DRC8: variants seen among roughly 807,000 people sequenced by gnomAD.
DRC8 encodes the protein dynein regulatory complex protein 8.
At chr1:245,023,105 C>T in the DRC8 span, 8 of 152,182 alleles carry the variant, frequency 5.3e-5, no homozygotes, top group African/African-American at 1.7e-4. Flanking sequence ...ATTTGTGAAG[C>T]ATTCCATTTT....
At chr1:245,106,152 G>A in the DRC8 span, among the ~76,000 whole-genome samples, 12 of 152,316 alleles carry the variant, frequency 7.9e-5, no homozygotes, top group African/African-American at 2.6e-4. Context: ...CTTATGAGAC[G>A]TATAAGCCTC....
chr1:245,038,266 C>T, the DRC8 span, among the ~76,000 whole-genome samples: 14 of 152,142 alleles, frequency 9.2e-5, no homozygotes, highest in African/African-American at 2.4e-4. Flanking sequence ...GTCAGGAGAT[C>T]GAGACCACCC....
At chr1:245,087,200 AT>A in the DRC8 span, 2 of 1,591,018 alleles carry the variant, frequency 1.3e-6, no homozygotes, top group South Asian at 2.3e-5. Context: ...AGAGAAAAAA[AT>A]CAGATGATCC....
At chr1:245,069,755 A>C in the DRC8 span, among the ~76,000 whole-genome samples, 2 of 152,194 alleles carry the variant, frequency 1.3e-5, no homozygotes, top group African/African-American at 4.8e-5. Context: ...AAAATGGTGA[A>C]GATGGGCTGG....
the DRC8 span, among the ~76,000 whole-genome samples, chr1:245,081,253 C>T: frequency 1.3e-5 from 2 of 151,934 alleles, no homozygotes; most frequent in African/African-American, 4.8e-5. Context: ...GCTCTGCCTC[C>T]TGGGTTCACG....
At chr1:244,992,958 G>A in the DRC8 span, among the ~76,000 whole-genome samples, 2 of 152,168 alleles carry the variant, frequency 1.3e-5, no homozygotes, top group African/African-American at 2.4e-5. Context: ...TTGGCAGGAA[G>A]CCTTGGTTCC....
the DRC8 span, among the ~76,000 whole-genome samples, chr1:244,972,430 G>T: frequency 8.9e-4 from 136 of 152,344 alleles, 2 homozygotes; most frequent in East Asian, 6.4e-3. Context: ...TATCCTTGTA[G>T]TCCGTGGACA....
the DRC8 span, among the ~76,000 whole-genome samples, chr1:245,029,115 A>C: frequency 6.6e-6 from 1 of 152,364 alleles, no homozygotes; most frequent in East Asian, 1.9e-4. Flanking sequence ...TCGGTCCTAG[A>C]TATCCCAGTA....
At chr1:245,003,363 A>G in the DRC8 span, among the ~76,000 whole-genome samples, 1 of 152,216 alleles carries the variant, frequency 6.6e-6, no homozygotes, top group African/African-American at 2.4e-5. Flanking sequence ...AGGAACTACG[A>G]TACTGGTTTC....
At chr1:245,015,817 G>C in the DRC8 span, 2 of 192,424 alleles carry the variant, frequency 1.0e-5, no homozygotes, top group Non-Finnish European at 2.2e-5. Flanking sequence ...TATTGCAGAG[G>C]CCTCCTGACT....
chr1:245,091,180 C>A, the DRC8 span: 6 of 152,316 alleles, frequency 3.9e-5, no homozygotes, highest in African/African-American at 1.4e-4. Flanking sequence ...TGTGGTGATC[C>A]TCGGAACATC....
the DRC8 span, chr1:245,123,639 A>C: frequency 6.6e-6 from 1 of 152,654 alleles, no homozygotes. This position sits in a 1 kb window ranked among gnomAD's most constrained non-coding sequence, Gnocchi z 5.0. Flanking sequence ...TGATGATAGG[A>C]ATTACCACCA....
chr1:244,996,314 A>G, the DRC8 span, among the ~76,000 whole-genome samples: 6 of 151,876 alleles, frequency 4.0e-5, no homozygotes, highest in African/African-American at 1.5e-4. Context: ...AAAATCTAGT[A>G]TGAAAGTGAT....
At chr1:244,981,783 C>G in the DRC8 span, among the ~76,000 whole-genome samples, 2 of 152,148 alleles carry the variant, frequency 1.3e-5, no homozygotes, top group Non-Finnish European at 1.5e-5. Context: ...CGGGGTTATT[C>G]TGGTGAAGAG....
At chr1:244,980,736 A>G in the DRC8 span, among the ~76,000 whole-genome samples, 1 of 152,210 alleles carries the variant, frequency 6.6e-6, no homozygotes, top group East Asian at 1.9e-4. Context: ...ATTCAGGTTG[A>G]GATATAACAT....
chr1:245,034,623 A>AG, the DRC8 span, among the ~76,000 whole-genome samples: 3 of 139,590 alleles, frequency 2.1e-5, no homozygotes, highest in Non-Finnish European at 1.6e-5. Flanking sequence ...AAAAAAAAAA[A>AG]AAAAGAAAAG....
At chr1:244,995,666 A>G in the DRC8 span, among the ~76,000 whole-genome samples, 2 of 152,088 alleles carry the variant, frequency 1.3e-5, no homozygotes, top group Admixed American at 6.5e-5. Context: ...GTATTTTATT[A>G]TGCGCAACTG....
the DRC8 span, among the ~76,000 whole-genome samples, chr1:245,100,676 G>A: frequency 1.3e-5 from 2 of 151,670 alleles, no homozygotes; most frequent in Admixed American, 6.6e-5. Context: ...AGCTACTCAG[G>A]GGGCTGAGTC....
At chr1:245,113,116 C>T in the DRC8 span, among the ~76,000 whole-genome samples, 1 of 152,142 alleles carries the variant, frequency 6.6e-6, no homozygotes, top group Non-Finnish European at 1.5e-5. Flanking sequence ...ACAGGATACA[C>T]CTTACCTTGG....
Sources: gnomAD v4.1 joint callset for allele counts (sites outside exome capture counted in the v4.1 genomes callset) on GRCh38, gnomAD v4.1.1 for gene constraint, Gnocchi (gnomAD v3.1) non-coding constraint, MANE v1.5 for transcripts, NCBI Gene and HGNC (gene_info 2026-07-23, HGNC 2026-07-21) for gene names.